Variants in VWA3B observed in about 807,000 individuals in gnomAD.
VWA3B encodes the protein von Willebrand factor A domain-containing protein 3B.
Under a neutral mutation model 158.3 loss-of-function variants are expected in VWA3B, and 138 were observed. The observed-to-expected ratio is 0.87, with a 90% CI of 0.76 to 1.00. VWA3B has a LOEUF of 1.00. VWA3B is among the 50% of genes least tolerant of loss of function. The pLI, the probability that VWA3B is intolerant of heterozygous loss-of-function variation, is 0.00. For missense variants in VWA3B, 1,555 were observed against 1,565.1 expected, an observed-to-expected ratio of 0.99 and a Z score of 0.11; for synonymous variants, 596 against 587.3, an observed-to-expected ratio of 1.01 and a Z score of -0.21.
At chr2:98,272,715 G>A (rs1022461699) in intron 22 of VWA3B, among the ~76,000 whole-genome samples, 17 of 152,054 alleles carry the variant, frequency 1.1e-4, no homozygotes, top group Non-Finnish European at 2.2e-4. Context: ...CAGGAATCAT[G>A]GAAGAAAAGA....
intron 19 of VWA3B, chr2:98,242,431 T>C: frequency 2.6e-6 from 1 of 386,092 alleles, no homozygotes; most frequent in Non-Finnish European, 5.1e-6. Flanking sequence ...GATTTAGCTA[T>C]GTAATGAACC....
chr2:98,089,885 T>C (rs2104792836), intron 1 of VWA3B, among the ~76,000 whole-genome samples: 1 of 152,184 alleles, frequency 6.6e-6, no homozygotes, highest in East Asian at 1.9e-4. Flanking sequence ...GCACCTTAGC[T>C]ATACTGGAGA....
chr2:98,161,659 C>T (rs1290114790), intron 7 of VWA3B, among the ~76,000 whole-genome samples: 1 of 152,032 alleles, frequency 6.6e-6, no homozygotes, highest in Non-Finnish European at 1.5e-5. Flanking sequence ...GGGAGATGCC[C>T]ATCTATTATT....
chr2:98,303,587 C>G (rs1289316554), intron 25 of VWA3B, 115 bp from the exon 26 acceptor site: 1 of 943,176 alleles, frequency 1.1e-6, no homozygotes, highest in African/African-American at 1.7e-5. Flanking sequence ...TAAGTGTCAC[C>G]CTGAATAGGA....
intron 22 of VWA3B, among the ~76,000 whole-genome samples, chr2:98,283,223 A>G (rs1558760127): frequency 6.6e-6 from 1 of 152,252 alleles, no homozygotes; most frequent in Non-Finnish European, 1.5e-5. Context: ...CATAGGTTCT[A>G]AGAAATGACT....
At chr2:98,306,223 G>A (rs916685897) in intron 26 of VWA3B, among the ~76,000 whole-genome samples, 7 of 151,554 alleles carry the variant, frequency 4.6e-5, no homozygotes, top group South Asian at 4.2e-4. Flanking sequence ...GTGGCCCCAC[G>A]GCAACCCGTA....
chr2:98,167,350 C>T (rs1266040470), intron 8 of VWA3B, among the ~76,000 whole-genome samples: 7 of 150,966 alleles, frequency 4.6e-5, no homozygotes, highest in African/African-American at 7.3e-5. Context: ...AAGAGCAGGA[C>T]GTGAGAGTTC....
intron 7 of VWA3B, among the ~76,000 whole-genome samples, chr2:98,155,754 T>G (rs1037349540): frequency 1.3e-5 from 2 of 152,120 alleles, no homozygotes; most frequent in Non-Finnish European, 2.9e-5. Flanking sequence ...CTGGAATGGG[T>G]GTTGGAAGAT....
intron 25 of VWA3B, 34 bp downstream of exon 25, chr2:98,300,250 C>T (rs764565211): frequency 3.7e-6 from 6 of 1,613,148 alleles, no homozygotes; most frequent in Non-Finnish European, 4.2e-6. Context: ...AGGACTTTCT[C>T]CTGGGCAATG....
At position 98,240,922 on chromosome 2, in the gene VWA3B, T is replaced by G. The variant is rs142680474; in HGVS notation, c.2673+4192T>G. On this transcript the variant is annotated intron_variant, in intron 19 of 27. Transcript: ENST00000477737. ...TTTATTATAAAAATATTCAACAAATTTATGCCTATTGTATATGCCTGTGTT... is the reference window on the plus strand; with the variant it reads ...TTTATTATAAAAATATTCAACAAATGTATGCCTATTGTATATGCCTGTGTT... Among the ~76,000 whole-genome samples, 1,227 of 152,298 alleles carry G rather than the reference T, an allele frequency of 8.1e-3. 23 individuals carry two copies. The highest frequency in any genetic ancestry group is 0.029 in the African/African-American group (1,189 of 41,524).
At chr2:98,303,826 C>A (rs1259326542) in intron 26 of VWA3B, 24 bp downstream of exon 26, 1 of 1,601,330 alleles carries the variant, frequency 6.2e-7, no homozygotes, top group South Asian at 1.1e-5. Context: ...ACTTTTATCT[C>A]TTGAATATTA....
At chr2:98,139,150 A>G (rs1419380644) in intron 7 of VWA3B, among the ~76,000 whole-genome samples, 2 of 152,208 alleles carry the variant, frequency 1.3e-5, no homozygotes, top group Non-Finnish European at 1.5e-5. Flanking sequence ...CACCCAGGCC[A>G]GCAGCTGCGG....
At chr2:98,128,020 C>T in intron 5 of VWA3B, 1 of 496,152 alleles carries the variant, frequency 2.0e-6, no homozygotes, top group Non-Finnish European at 3.6e-6. Flanking sequence ...GTGCCTTACC[C>T]AAGACAATAG....
chr2:98,188,298 C>T lies in VWA3B; in HGVS notation c.1466+169C>T, dbSNP rs370676780. Among the ~76,000 whole-genome samples, 51 of 152,218 alleles carry T rather than the reference C, an allele frequency of 3.4e-4. No individual in the cohort carries two copies. In the East Asian group the frequency reaches 5.8e-3, roughly 17 times the overall value. ...TGTATACAATGTACAAAGATCAAAT[C>T]AGGGTAACTCACATATCCATCACCT... On this transcript the variant is annotated intron_variant, in intron 10 of 27. Transcript: ENST00000477737.
intron 2 of VWA3B, among the ~76,000 whole-genome samples, chr2:98,107,692 C>T (rs568854552): frequency 4.5e-4 from 68 of 152,134 alleles, no homozygotes; most frequent in African/African-American, 1.6e-3. Flanking sequence ...CTTTTGATGT[C>T]TGCCGCATCT....
At chr2:98,215,678 C>T (rs1428872028) in intron 13 of VWA3B, among the ~76,000 whole-genome samples, 9 of 151,714 alleles carry the variant, frequency 5.9e-5, no homozygotes, top group African/African-American at 1.7e-4. Flanking sequence ...CCGCCACACC[C>T]GGCTAATTTT....
chr2:98,300,139 G>T lies in VWA3B; in HGVS notation c.3343G>T (p.Ala1115Ser). The T allele has an allele frequency of 6.2e-7, 1 of 1,614,218 alleles. No homozygotes were observed. Among genetic ancestry groups the T allele is most frequent in the Non-Finnish European group, 8.5e-7 (1 of 1,180,030 alleles). The change falls in exon 25 of 28, where the codon GCC (alanine) becomes TCC (serine). Residue 1115 changes from alanine to serine, a missense_variant. Ala to Ser is a moderately conservative substitution (Grantham distance 99). Transcript: ENST00000477737. The part of the protein sequence containing the change: ...IPKGFDFYVP[A>S]IVIALPNKHV... ...CAAAGGATTTGACTTCTATGTCCCT[G>T]CCATTGTCATAGCACTTCCCAATAA... is the stretch of plus-strand genomic sequence containing the variant.
chr2:98,213,715 C>T (rs2105565621), intron 13 of VWA3B, among the ~76,000 whole-genome samples: 1 of 152,222 alleles, frequency 6.6e-6, no homozygotes, highest in East Asian at 1.9e-4. Context: ...CTAGGGAGTG[C>T]ATGGGTGTCT....
intron 19 of VWA3B, among the ~76,000 whole-genome samples, chr2:98,244,073 G>A (rs910122832): frequency 1.1e-4 from 17 of 152,194 alleles, no homozygotes; most frequent in Non-Finnish European, 1.8e-4. Flanking sequence ...ATGTTGTCAG[G>A]TGGAATTCGA....
Sources: gnomAD v4.1 joint callset for allele counts (sites outside exome capture counted in the v4.1 genomes callset) on GRCh38, gnomAD v4.1.1 for gene constraint, MANE v1.5 for transcripts, NCBI Gene and HGNC (gene_info 2026-07-23, HGNC 2026-07-21) for gene names.